The following AHI1 variants were observed in gnomAD, a reference collection of about 807,000 sequenced individuals.
AHI1 encodes Abelson helper integration site 1.
Under a neutral mutation model 149.3 loss-of-function variants are expected in AHI1, and 123 were observed. That is an observed-to-expected ratio of 0.82 (90% CI 0.71 to 0.96). The LOEUF is 0.96. AHI1 is among the 40% of genes least tolerant of loss of function. The pLI, the probability that AHI1 is intolerant of heterozygous loss-of-function variation, is 0.00. For missense variants in AHI1, 1,439 were observed against 1,422.7 expected (o/e 1.01, Z -0.18); for synonymous variants, 475 against 459.8 (o/e 1.03, Z -0.42).
intron 24 of AHI1, among the ~76,000 whole-genome samples, chr6:135,342,520 A>T (rs1211439612): frequency 6.6e-6 from 1 of 151,900 alleles, no homozygotes; most frequent in Non-Finnish European, 1.5e-5. Flanking sequence ...CAGAATCAAC[A>T]TATGAAAAAG....
intron 24 of AHI1, 194 bp from the exon 25 acceptor site, chr6:135,323,518 G>A: frequency 2.3e-6 from 1 of 441,910 alleles, no homozygotes; most frequent in Non-Finnish European, 4.0e-6. Flanking sequence ...AAAGACTGTG[G>A]GATTGAGAAA....
At chr6:135,436,274 C>T (rs945127349) in intron 15 of AHI1, among the ~76,000 whole-genome samples, 2 of 152,118 alleles carry the variant, frequency 1.3e-5, no homozygotes, top group South Asian at 4.2e-4. Context: ...TAGAACTGGT[C>T]AGAGTAATAA....
At chr6:135,323,390 C>T in intron 24 of AHI1, 66 bp from the exon 25 acceptor site, 2 of 1,530,822 alleles carry the variant, frequency 1.3e-6, no homozygotes, top group Admixed American at 1.9e-5. Context: ...CCCCAACATT[C>T]ACTTCCTCTT....
chr6:135,428,276 T>A (rs1366262553), intron 19 of AHI1, among the ~76,000 whole-genome samples: 1 of 151,688 alleles, frequency 6.6e-6, no homozygotes, highest in East Asian at 1.9e-4. Context: ...TAACAATTTG[T>A]CTACCTAATC....
At chr6:135,470,191 T>C (rs1342190161) in intron 5 of AHI1, among the ~76,000 whole-genome samples, 1 of 152,132 alleles carries the variant, frequency 6.6e-6, no homozygotes, top group Non-Finnish European at 1.5e-5. Context: ...AGAAGACATT[T>C]ATGGGGCCAA....
intron 24 of AHI1, among the ~76,000 whole-genome samples, chr6:135,347,171 T>C (rs1791360669): frequency 6.6e-6 from 1 of 152,234 alleles, no homozygotes; most frequent in Non-Finnish European, 1.5e-5. Context: ...TCTTTTTAGC[T>C]GCCATTCTGG....
intron 11 of AHI1, among the ~76,000 whole-genome samples, chr6:135,450,878 T>C (rs1012825322): frequency 6.6e-6 from 1 of 152,242 alleles, no homozygotes; most frequent in Non-Finnish European, 1.5e-5. Flanking sequence ...ATCTGAGGCA[T>C]AGCTGAGAAT....
intron 23 of AHI1, among the ~76,000 whole-genome samples, chr6:135,392,751 C>T (rs1262143785): frequency 6.6e-6 from 1 of 152,108 alleles, no homozygotes; most frequent in Admixed American, 6.6e-5. Flanking sequence ...AGAAACTCAC[C>T]ATAGCCAGAG....
Position 135,443,465 on chromosome 6 carries a change from T to C in AHI1, c.1780-751A>G, listed in dbSNP as rs563453359. ...GGGCTCTTACTATATGTCATGAAAG[T>C]TGTACTTTATTACAAAGGTCTTTGA... On this transcript the variant is annotated intron_variant, in intron 13 of 28. Transcript: ENST00000265602. Among the ~76,000 whole-genome samples the C allele has an allele frequency of 7.9e-5, 12 of 152,340 alleles. No homozygotes were observed. In the South Asian group the frequency reaches 2.3e-3, roughly 29 times the overall value.
chr6:135,302,551 T>C, intron 26 of AHI1: 2 of 1,096,106 alleles, frequency 1.8e-6, no homozygotes, highest in Non-Finnish European at 1.1e-6. Flanking sequence ...ATCACTGGCA[T>C]ACCCAAATCC....
At chr6:135,301,438 T>C (rs1045987867) in intron 26 of AHI1, 2 of 985,330 alleles carry the variant, frequency 2.0e-6, no homozygotes, top group Non-Finnish European at 2.4e-6. Flanking sequence ...GAGTAACTGC[T>C]TTCCTGGTGT....
chr6:135,476,506 C>T (rs1330090176), intron 5 of AHI1, among the ~76,000 whole-genome samples: 1 of 151,818 alleles, frequency 6.6e-6, no homozygotes. Flanking sequence ...TCAAATTTGT[C>T]AGTTACTGAA....
intron 24 of AHI1, among the ~76,000 whole-genome samples, chr6:135,341,835 T>C (rs1484013754): frequency 1.3e-5 from 2 of 151,954 alleles, no homozygotes; most frequent in African/African-American, 4.8e-5. Context: ...ATTTTATAGC[T>C]GTAAATGTTT....
At chr6:135,481,399 T>C (rs1793617089) in intron 5 of AHI1, among the ~76,000 whole-genome samples, 1 of 152,334 alleles carries the variant, frequency 6.6e-6, no homozygotes, top group South Asian at 2.1e-4. Flanking sequence ...GGATTTTGTA[T>C]ATCTGCATTA....
intron 23 of AHI1, among the ~76,000 whole-genome samples, chr6:135,386,776 G>A (rs1313846106): frequency 2.6e-5 from 4 of 151,482 alleles, no homozygotes; most frequent in Non-Finnish European, 5.9e-5. Flanking sequence ...GATTACAGGC[G>A]CCCACCACCA....
chr6:135,439,080 A>T (rs1277332688), intron 14 of AHI1, among the ~76,000 whole-genome samples: 2 of 152,192 alleles, frequency 1.3e-5, no homozygotes, highest in Admixed American at 1.3e-4. Flanking sequence ...GGAAAAACAA[A>T]GTTTCCAAGT....
intron 5 of AHI1, among the ~76,000 whole-genome samples, chr6:135,474,841 A>G (rs537935837): frequency 6.6e-6 from 1 of 152,320 alleles, no homozygotes; most frequent in South Asian, 2.1e-4. Flanking sequence ...GATGTTTGCC[A>G]TCTATATTTA....
At chr6:135,342,879 GAA>G (rs948639630) in intron 24 of AHI1, among the ~76,000 whole-genome samples, 3 of 151,108 alleles carry the variant, frequency 2.0e-5, no homozygotes, top group African/African-American at 7.3e-5. Flanking sequence ...CTAAGATTAG[GAA>G]AAAGACAGGG....
At chr6:135,469,087 C>G (rs1484205692) in intron 5 of AHI1, among the ~76,000 whole-genome samples, 1 of 152,180 alleles carries the variant, frequency 6.6e-6, no homozygotes, top group African/African-American at 2.4e-5. Context: ...ATATCCCTGA[C>G]GAACACTGAT....
Sources: gnomAD v4.1 joint callset for allele counts (sites outside exome capture counted in the v4.1 genomes callset) on GRCh38, gnomAD v4.1.1 for gene constraint, MANE v1.5 for transcripts, NCBI Gene and HGNC (gene_info 2026-07-23, HGNC 2026-07-21) for gene names.